NDUFAF6: variants seen among roughly 807,000 people sequenced by gnomAD.
NDUFAF6 encodes NADH dehydrogenase (ubiquinone) complex I, assembly factor 6.
NDUFAF6 carries 45 observed loss-of-function variants against 40.8 expected under a neutral mutation model. The ratio of observed to expected loss-of-function variants is 1.10; its 90% CI spans 0.87 to 1.42. The LOEUF is 1.42. NDUFAF6 is among the 40% of genes most tolerant of loss of function. NDUFAF6 has a pLI of 0.00. For missense variants in NDUFAF6, 435 were observed against 418.5 expected, an observed-to-expected ratio of 1.04 and a Z score of -0.34; for synonymous variants, 185 against 155.9, an observed-to-expected ratio of 1.19 and a Z score of -1.39.
At chr8:95,087,771 T>A (rs1465410334) in intron 2 of NDUFAF6, 1 of 152,306 alleles carries the variant, frequency 6.6e-6, no homozygotes, top group Non-Finnish European at 1.5e-5. Context: ...TCACCCAGCT[T>A]TTGAGACGTT....
At chr8:94,965,337 C>T (rs564554856) in intron 1 of NDUFAF6, among the ~76,000 whole-genome samples, 1 of 152,116 alleles carries the variant, frequency 6.6e-6, no homozygotes, top group African/African-American at 2.4e-5. Flanking sequence ...TGGTGAGTCC[C>T]CGGGGAATGA....
At chr8:95,107,021 T>G (rs1355340699), downstream of NDUFAF6, among the ~76,000 whole-genome samples, 2 of 152,190 alleles carry the variant, frequency 1.3e-5, no homozygotes, top group Non-Finnish European at 2.9e-5. Context: ...TAGGAACACT[T>G]TTACACTGTT....
rs35736243 is a variant in NDUFAF6 at position 95,032,033 on chromosome 8, TC to T, written c.239del (p.Pro80LeufsTer11). 14 of 1,614,218 alleles carry T rather than the reference TC, an allele frequency of 8.7e-6. No homozygotes were observed. Among genetic ancestry groups the T allele is most frequent in the Non-Finnish European group, 1.2e-5 (14 of 1,180,036 alleles). ...DYEGYLCSLL[L>X]PAESRSSVFA... Reference sequence around the variant, plus strand: ...GAAGGTTATTTATGCTCCCTGCTGCTCCCTGCAGAATCCCGAAGCTCTGTTT... The same window carrying T: ...GAAGGTTATTTATGCTCCCTGCTGCTCCTGCAGAATCCCGAAGCTCTGTTT... On this transcript the variant is annotated frameshift_variant, in exon 2 of 9. Transcript: ENST00000396124. LOFTEE classifies it high-confidence loss of function.
chr8:95,017,144 G>C (rs1252314239), intron 2 of NDUFAF6, among the ~76,000 whole-genome samples: 1 of 121,334 alleles, frequency 8.2e-6, no homozygotes, highest in Non-Finnish European at 1.7e-5. Context: ...GTTTCACCAT[G>C]TTTCCAGGCT....
At chr8:94,961,549 G>A (rs1823576231) in intron 1 of NDUFAF6, among the ~76,000 whole-genome samples, 1 of 152,018 alleles carries the variant, frequency 6.6e-6, no homozygotes, top group Non-Finnish European at 1.5e-5. Flanking sequence ...AGCCTCCCAG[G>A]TAGCTAGGAC....
chr8:94,907,739 C>T (rs1818484104), intron 1 of NDUFAF6, among the ~76,000 whole-genome samples: 1 of 152,192 alleles, frequency 6.6e-6, no homozygotes, highest in African/African-American at 2.4e-5. Flanking sequence ...TCATAATTTT[C>T]ACATCAGCCT....
chr8:95,040,517 A>G (rs531784440), intron 3 of NDUFAF6, among the ~76,000 whole-genome samples: 3 of 152,238 alleles, frequency 2.0e-5, no homozygotes, highest in Admixed American at 1.3e-4. Flanking sequence ...CTTTACTCTT[A>G]TAGTTGCAAA....
At chr8:95,101,788 C>T (rs1031141244) in intron 2 of NDUFAF6, among the ~76,000 whole-genome samples, 3 of 152,106 alleles carry the variant, frequency 2.0e-5, no homozygotes, top group African/African-American at 7.2e-5. Context: ...GAAAACCCAA[C>T]TCAAAATGAC....
At chr8:95,098,612 G>C (rs1809548217), upstream of NDUFAF6, among the ~76,000 whole-genome samples, 1 of 152,248 alleles carries the variant, frequency 6.6e-6, no homozygotes, top group South Asian at 2.1e-4. Context: ...GGAGGTTGCA[G>C]TGAGCCGAGA....
intron 1 of NDUFAF6, among the ~76,000 whole-genome samples, chr8:94,967,227 G>A (rs935775693): frequency 6.6e-6 from 1 of 152,228 alleles, no homozygotes; most frequent in East Asian, 1.9e-4. Context: ...TTTACAGGTA[G>A]GGCAGATGTG....
chr8:94,993,802 A>C (rs1826297900), intron 2 of NDUFAF6, among the ~76,000 whole-genome samples: 1 of 152,248 alleles, frequency 6.6e-6, no homozygotes, highest in Non-Finnish European at 1.5e-5. Flanking sequence ...TTAAGCCACT[A>C]AAACATGATT....
intron 2 of NDUFAF6, chr8:94,950,628 G>A (rs1822517860): frequency 6.6e-6 from 1 of 152,206 alleles, no homozygotes; most frequent in Non-Finnish European, 1.5e-5. Context: ...CCTTATCTTG[G>A]GAGAAAGAGC....
intron 1 of NDUFAF6, among the ~76,000 whole-genome samples, chr8:94,966,266 ATCAG>A (rs1306676685): frequency 6.6e-6 from 1 of 152,206 alleles, no homozygotes; most frequent in East Asian, 1.9e-4. Flanking sequence ...TAAGGCTTAT[ATCAG>A]TCAGGTTGAT....
At chr8:95,046,858 T>C in intron 5 of NDUFAF6, 136 bp from the exon 6 acceptor site, 2 of 1,168,522 alleles carry the variant, frequency 1.7e-6, no homozygotes, top group Non-Finnish European at 2.5e-6. Flanking sequence ...AGTTTTTCAC[T>C]CATAAATCCT....
intron 1 of NDUFAF6, among the ~76,000 whole-genome samples, chr8:94,899,959 C>T (rs974541744): frequency 6.6e-6 from 1 of 152,222 alleles, no homozygotes; most frequent in Non-Finnish European, 1.5e-5. Flanking sequence ...CTGTCCTTCT[C>T]ACCTTGGGAC....
chr8:95,088,657 G>T (rs1809131190), intron 2 of NDUFAF6, among the ~76,000 whole-genome samples: 1 of 150,632 alleles, frequency 6.6e-6, no homozygotes, highest in South Asian at 2.1e-4. Context: ...TCAATTTTAG[G>T]TTAATTTCAG....
intron 1 of NDUFAF6, among the ~76,000 whole-genome samples, chr8:94,971,305 G>T (rs1824440855): frequency 6.6e-6 from 1 of 152,192 alleles, no homozygotes; most frequent in African/African-American, 2.4e-5. Flanking sequence ...CCAAAGGAAT[G>T]AAAGTCAGGG....
chr8:95,032,166 G>T, intron 2 of NDUFAF6, 72 bp downstream of exon 2: 1 of 1,257,006 alleles, frequency 8.0e-7, no homozygotes, highest in East Asian at 2.3e-5. Flanking sequence ...GAACAATAAA[G>T]AAATATAGTT....
chr8:95,041,176 A>G (rs1830104544), intron 3 of NDUFAF6, among the ~76,000 whole-genome samples: 1 of 152,194 alleles, frequency 6.6e-6, no homozygotes, highest in Non-Finnish European at 1.5e-5. Flanking sequence ...ATTTGAACAC[A>G]GAAGTTCAAG....
Sources: gnomAD v4.1 joint callset for allele counts (sites outside exome capture counted in the v4.1 genomes callset) on GRCh38, gnomAD v4.1.1 for gene constraint, MANE v1.5 for transcripts, NCBI Gene and HGNC (gene_info 2026-07-23, HGNC 2026-07-21) for gene names.